Variants in DLC1 observed in about 807,000 individuals in gnomAD.
DLC1 encodes DLC1 Rho GTPase activating protein.
A neutral mutation model predicts 140.3 loss-of-function variants in DLC1; 54 were observed. The observed-to-expected ratio is 0.38, with a 90% CI of 0.31 to 0.48. The LOEUF is 0.48. DLC1 is among the 20% of genes least tolerant of loss of function. The probability of loss-of-function intolerance (pLI) is 0.96; values close to 1 mark genes in which losing one functional copy is unlikely to be tolerated. For missense variants in DLC1, 2,536 were observed against 1,907.0 expected (o/e 1.33, Z -6.14); for synonymous variants, 986 against 728.1 (o/e 1.35, Z -5.70).
At chr8:13,093,110 C>A (rs887269081) in intron 12 of DLC1, among the ~76,000 whole-genome samples, 1 of 151,432 alleles carries the variant, frequency 6.6e-6, no homozygotes, top group African/African-American at 2.4e-5. Context: ...GATGCCTGCT[C>A]TTTTAGTTTA....
At chr8:13,467,487 T>A (rs1373698194) in intron 2 of DLC1, among the ~76,000 whole-genome samples, 1 of 150,908 alleles carries the variant, frequency 6.6e-6, no homozygotes, top group African/African-American at 2.4e-5. Flanking sequence ...TTGGACTGGA[T>A]ATAGTGGCTC....
At chr8:13,525,283 C>A (rs1406257998) in intron 1 of DLC1, among the ~76,000 whole-genome samples, 2 of 152,140 alleles carry the variant, frequency 1.3e-5, no homozygotes, top group Non-Finnish European at 2.9e-5. Flanking sequence ...TTGGCCATTA[C>A]AAATCAAGCT....
intron 2 of DLC1, among the ~76,000 whole-genome samples, chr8:13,456,256 G>C (rs1045393197): frequency 6.6e-6 from 1 of 152,066 alleles, no homozygotes; most frequent in South Asian, 2.1e-4. Context: ...TCTGTATTCT[G>C]CCCTTTTTCT....
At chr8:13,265,805 T>G (rs563066108) in intron 5 of DLC1, among the ~76,000 whole-genome samples, 2 of 152,200 alleles carry the variant, frequency 1.3e-5, no homozygotes, top group South Asian at 4.2e-4. Flanking sequence ...TAAATTAATT[T>G]TTCCATCTTC....
chr8:13,572,782 T>A (rs1295169981), intron 1 of DLC1, among the ~76,000 whole-genome samples: 3 of 152,206 alleles, frequency 2.0e-5, no homozygotes, highest in African/African-American at 7.2e-5. Context: ...GAAAAATCAG[T>A]TGGTCATAGA....
chr8:13,450,199 A>G (rs555924053), intron 2 of DLC1, among the ~76,000 whole-genome samples: 4 of 151,884 alleles, frequency 2.6e-5, no homozygotes, highest in Admixed American at 2.6e-4. Flanking sequence ...CCTGGGTGGT[A>G]ATCACAGCAC....
rs528781590 is a variant in DLC1 at position 13,299,197 on chromosome 8, C to G, written c.1348+6072G>C. 5.7e-4 allele frequency among the ~76,000 whole-genome samples: 86 copies of G among 151,658 alleles called. 1 individual carries two copies. The highest frequency in any genetic ancestry group is 9.6e-4 in the Non-Finnish European group (65 of 67,914). Reference sequence around the variant, plus strand: ...GTGGCTCATGCCTGTAATCCCAGCACTTTGGGAGGCCAAGGCGGGTGGATC... The same window carrying G: ...GTGGCTCATGCCTGTAATCCCAGCAGTTTGGGAGGCCAAGGCGGGTGGATC... On this transcript the variant is annotated intron_variant, in intron 5 of 17. Transcript: ENST00000276297.
rs148969611 is a variant in DLC1, at chr8:13,159,372, G to C, written c.1349-43715C>G. Among the ~76,000 whole-genome samples, 690 of 152,294 alleles carry C rather than the reference G, an allele frequency of 4.5e-3. 4 individuals carry two copies. The highest frequency in any genetic ancestry group is 0.015 in the African/African-American group (644 of 41,566). On this transcript the variant is annotated intron_variant, in intron 5 of 17. Coordinates refer to ENST00000276297, the MANE Select transcript of DLC1 (RefSeq NM_182643.3). ...AGCCACCCCAGAGGCTCAGTACTGG[G>C]TCACTCTGAAGGACTCCAGGGCGCT...
At chr8:13,155,642 G>C (rs1563117482) in intron 5 of DLC1, among the ~76,000 whole-genome samples, 1 of 152,002 alleles carries the variant, frequency 6.6e-6, no homozygotes, top group Non-Finnish European at 1.5e-5. Flanking sequence ...GCTATATTAA[G>C]TTGCAATTTG....
At chr8:13,184,119 T>C (rs1162178944) in intron 5 of DLC1, among the ~76,000 whole-genome samples, 1 of 152,262 alleles carries the variant, frequency 6.6e-6, no homozygotes, top group Non-Finnish European at 1.5e-5. Context: ...GTTAATAGTA[T>C]TCTCTGATGG....
At chr8:13,476,443 C>T (rs1174880586) in intron 2 of DLC1, among the ~76,000 whole-genome samples, 1 of 147,142 alleles carries the variant, frequency 6.8e-6, no homozygotes, top group Non-Finnish European at 1.5e-5. Context: ...GACATATTTT[C>T]ATTTTCACAT....
At chr8:13,436,298 C>G (rs1839119975) in intron 2 of DLC1, among the ~76,000 whole-genome samples, 1 of 152,166 alleles carries the variant, frequency 6.6e-6, no homozygotes, top group Admixed American at 6.5e-5. Context: ...GTAAAAGAGA[C>G]TAATTCTACA....
At chr8:13,316,355 A>G (rs1563248031) in intron 4 of DLC1, among the ~76,000 whole-genome samples, 1 of 152,140 alleles carries the variant, frequency 6.6e-6, no homozygotes, top group Non-Finnish European at 1.5e-5. Flanking sequence ...GGTGAGTTTT[A>G]TACAATACAA....
intron 5 of DLC1, chr8:13,276,176 C>G: frequency 1.3e-6 from 2 of 1,495,254 alleles, no homozygotes; most frequent in African/African-American, 1.4e-5. Context: ...CATTCATGAA[C>G]CAAGCTTATC....
At chr8:13,281,580 G>C (rs1831367730) in intron 5 of DLC1, among the ~76,000 whole-genome samples, 1 of 152,056 alleles carries the variant, frequency 6.6e-6, no homozygotes, top group South Asian at 2.1e-4. Context: ...ATATACACTG[G>C]GGTTCTATGC....
rs548408852 is a variant in DLC1 at position 13,098,311 on chromosome 8, G to A, written c.3167+88C>T. On this transcript the variant is annotated intron_variant, in intron 10 of 17. Transcript: ENST00000276297. ...TGAAATATATTAATAAAGGAGAGAA[G>A]TGTCATTTTTTACTGTGGGGACAAC... 42 of 1,444,048 alleles carry A rather than the reference G, an allele frequency of 2.9e-5. No homozygotes were observed. In the Admixed American group the frequency reaches 5.6e-4, roughly 19 times the overall value. The allele number at this position is 1,444,048 out of a possible 1,614,324, so 89.5% of individuals were successfully genotyped here. A position where few individuals can be genotyped will look rare whatever the true frequency, so the allele number is the denominator to read the frequency against.
At chr8:13,357,161 C>G (rs1055396848) in intron 4 of DLC1, among the ~76,000 whole-genome samples, 1 of 152,098 alleles carries the variant, frequency 6.6e-6, no homozygotes, top group Non-Finnish European at 1.5e-5. Context: ...ATCTCAGCTA[C>G]TCGTGAGGCC....
intron 4 of DLC1, among the ~76,000 whole-genome samples, chr8:13,336,694 A>G (rs1351667095): frequency 6.6e-6 from 1 of 152,218 alleles, no homozygotes; most frequent in Non-Finnish European, 1.5e-5. Context: ...TTCTTTATCT[A>G]TAAAATGAGT....
chr8:13,355,225 C>G (rs4831409), intron 4 of DLC1, among the ~76,000 whole-genome samples: 65,672 of 151,934 alleles, frequency 0.43, 15,000 homozygotes, highest in East Asian at 0.77. Context: ...GGGATTCACA[C>G]CTGTAATCCC....
Sources: allele counts gnomAD v4.1 joint callset (sites outside exome capture counted in the v4.1 genomes callset), GRCh38; gene constraint gnomAD v4.1.1; transcripts MANE v1.5; gene names NCBI Gene and HGNC (gene_info 2026-07-23, HGNC 2026-07-21).